TBX15: variants seen among roughly 807,000 people sequenced by gnomAD.
TBX15 encodes the protein T-box transcription factor 15.
A neutral mutation model predicts 53.9 loss-of-function variants in TBX15; 18 were observed. That is an observed-to-expected ratio of 0.33 (90% CI 0.23 to 0.49). The LOEUF (loss-of-function observed/expected upper bound fraction) is 0.49, where lower values mean the gene tolerates loss of function less well. TBX15 is among the 20% of genes least tolerant of loss of function. TBX15 has a pLI of 0.98. For missense variants in TBX15, 692 were observed against 749.5 expected, an observed-to-expected ratio of 0.92 and a Z score of 0.90; for synonymous variants, 295 against 278.0, an observed-to-expected ratio of 1.06 and a Z score of -0.61.
intron 1 of TBX15, among the ~76,000 whole-genome samples, chr1:118,964,457 C>G (rs542879813): frequency 6.6e-6 from 1 of 152,298 alleles, no homozygotes; most frequent in South Asian, 2.1e-4. Flanking sequence ...AAGCAACTTA[C>G]CCATGTTTTC....
chr1:118,980,834 T>C (rs570530554), intron 1 of TBX15, among the ~76,000 whole-genome samples: 8 of 152,288 alleles, frequency 5.3e-5, no homozygotes, highest in African/African-American at 1.7e-4. Context: ...TGGTGCTTTT[T>C]TTTTTCCTTC....
chr1:118,970,722 A>T (rs1375415691), intron 1 of TBX15, among the ~76,000 whole-genome samples: 1 of 152,146 alleles, frequency 6.6e-6, no homozygotes, highest in Non-Finnish European at 1.5e-5. Context: ...TTTTTAATGC[A>T]TTCTCACAGA....
chr1:118,941,475 C>T (rs557062305), intron 1 of TBX15, among the ~76,000 whole-genome samples: 1 of 152,240 alleles, frequency 6.6e-6, no homozygotes, highest in South Asian at 2.1e-4. Flanking sequence ...TCCCAGGAGA[C>T]CACCAACTAT....
At chr1:118,941,361 G>T (rs1023432247) in intron 1 of TBX15, among the ~76,000 whole-genome samples, 1 of 152,214 alleles carries the variant, frequency 6.6e-6, no homozygotes, top group Non-Finnish European at 1.5e-5. Context: ...AACATCAAGT[G>T]TAATTTAACT....
chr1:118,914,298 T>A (rs1655116705), intron 5 of TBX15, 119 bp from the exon 6 acceptor site: 2 of 982,730 alleles, frequency 2.0e-6, no homozygotes, highest in East Asian at 2.6e-5. Flanking sequence ...TTTAATTTCC[T>A]TTCAGCTCAA....
Position 118,884,455 on chromosome 1 carries a change from C to A in TBX15, c.*277G>T. On this transcript the variant is annotated 3_prime_UTR_variant, in exon 8 of 8. Transcript: ENST00000369429. ...TTATGACGAAGTGATTATTCAGTCT[C>A]TTCAAAGGCCACTCTGGAACAGACA... 2.0e-6 allele frequency: 1 copy of A among 498,430 alleles called. No individual in the cohort carries two copies. Among genetic ancestry groups the A allele is most frequent in the Non-Finnish European group, 3.6e-6 (1 of 275,576 alleles). The allele number at this position is 498,430 out of a possible 1,614,324, so 30.9% of individuals were successfully genotyped here.
At position 118,921,437 on chromosome 1, in the gene TBX15, A is replaced by G. The variant is rs368933713; in HGVS notation, c.861+1999T>C. ...CAATTGCTCCCAATCCTCATTTAAAATCATGCAGAAAAAAAGAAGGATAAA... is the reference window on the plus strand; with the variant it reads ...CAATTGCTCCCAATCCTCATTTAAAGTCATGCAGAAAAAAAGAAGGATAAA... On this transcript the variant is annotated intron_variant, in intron 5 of 7. Coordinates refer to ENST00000369429, the MANE Select transcript of TBX15 (RefSeq NM_001330677.2). 1.5e-4 allele frequency among the ~76,000 whole-genome samples: 23 copies of G among 152,322 alleles called. No homozygotes were observed. The East Asian group carries it at 3.5e-3, about 23-fold the overall frequency.
intron 1 of TBX15, among the ~76,000 whole-genome samples, chr1:118,963,232 A>G (rs1217541989): frequency 6.6e-6 from 1 of 152,268 alleles, no homozygotes; most frequent in East Asian, 1.9e-4. Flanking sequence ...GTGTGTTTTT[A>G]TGAGGTTAAA....
At chr1:118,961,176 C>A (rs1484506979) in intron 1 of TBX15, among the ~76,000 whole-genome samples, 1 of 152,206 alleles carries the variant, frequency 6.6e-6, no homozygotes, top group East Asian at 1.9e-4. Context: ...CTAACTCAGG[C>A]TCTGTGCCCC....
intron 6 of TBX15, among the ~76,000 whole-genome samples, chr1:118,902,062 C>A (rs926086453): frequency 1.4e-4 from 21 of 151,828 alleles, no homozygotes; most frequent in African/African-American, 4.1e-4. Flanking sequence ...TAAATATATC[C>A]TACATAGCAT....
intron 1 of TBX15, among the ~76,000 whole-genome samples, chr1:118,945,063 T>A (rs534487373): frequency 1.3e-5 from 2 of 152,314 alleles, no homozygotes; most frequent in East Asian, 3.9e-4. Context: ...TTGCAATACG[T>A]AGCAGGGGAA....
At chr1:118,907,743 G>T (rs544176959) in intron 6 of TBX15, among the ~76,000 whole-genome samples, 17 of 152,204 alleles carry the variant, frequency 1.1e-4, no homozygotes, top group African/African-American at 4.1e-4. Context: ...CTTGGTGCAG[G>T]TTCCCCATTG....
At position 118,883,290 on chromosome 1, in the gene TBX15, T is replaced by G. The variant is rs1347094798; in HGVS notation, c.*1442A>C. 2.0e-5 allele frequency: 3 copies of G among 152,630 alleles called. No homozygotes were observed. The highest frequency in any genetic ancestry group is 7.2e-5 in the African/African-American group (3 of 41,462). 9.5% of individuals were successfully genotyped at this position (152,630 alleles called of 1,614,324 possible). Reference sequence around the variant, plus strand: ...TTATTTTACTTGGTATTATTTGCATTTCCACACCATTTAAAAATTTTAGCT... The same window carrying G: ...TTATTTTACTTGGTATTATTTGCATGTCCACACCATTTAAAAATTTTAGCT... On this transcript the variant is annotated 3_prime_UTR_variant, in exon 8 of 8. Coordinates refer to ENST00000369429, the MANE Select transcript of TBX15 (RefSeq NM_001330677.2).
intron 1 of TBX15, among the ~76,000 whole-genome samples, chr1:118,965,777 C>A (rs12073056): frequency 6.6e-6 from 1 of 152,072 alleles, no homozygotes; most frequent in African/African-American, 2.4e-5. Context: ...GACTATTTGA[C>A]AGTCTCCAAC....
chr1:118,885,479 A>G lies in TBX15; in HGVS notation c.1062T>C (p.Thr354=). The G allele has an allele frequency of 6.2e-7, 1 of 1,603,634 alleles. No individual in the cohort carries two copies. Among genetic ancestry groups the G allele is most frequent in the Non-Finnish European group, 8.5e-7 (1 of 1,174,180 alleles). ...AAGAAGCCGAAGGGGATGGTGTCCCAGTGCTGGAGGTGGTTGGGGAAGTGC... is the reference window on the plus strand; with the variant it reads ...AAGAAGCCGAAGGGGATGGTGTCCCGGTGCTGGAGGTGGTTGGGGAAGTGC... The part of the protein sequence containing the change: ...STGTSPTTSS[T]GTPSPSASSH... The change falls in exon 8 of 8, where the codon ACT becomes ACC. Residue 354 remains threonine (T), a synonymous_variant. Coordinates refer to ENST00000369429, the MANE Select transcript of TBX15 (RefSeq NM_001330677.2).
chr1:118,931,079 G>A (rs1323405586), intron 2 of TBX15, among the ~76,000 whole-genome samples: 2 of 152,122 alleles, frequency 1.3e-5, no homozygotes, highest in East Asian at 1.9e-4. Context: ...TTAAAATTTT[G>A]TAATCCTAGA....
chr1:118,913,433 A>C (rs1317545784), intron 6 of TBX15, among the ~76,000 whole-genome samples: 3 of 152,140 alleles, frequency 2.0e-5, no homozygotes, highest in Non-Finnish European at 4.4e-5. Context: ...TTTATATAGG[A>C]GGAGTGAGAA....
intron 7 of TBX15, among the ~76,000 whole-genome samples, chr1:118,889,308 G>A (rs1450272622): frequency 2.0e-5 from 3 of 152,140 alleles, no homozygotes; most frequent in Admixed American, 6.5e-5. Flanking sequence ...ACAGCTTGTC[G>A]AATGTTAAAC....
At chr1:118,941,243 T>A (rs1312446734) in intron 1 of TBX15, among the ~76,000 whole-genome samples, 1 of 152,202 alleles carries the variant, frequency 6.6e-6, no homozygotes, top group Non-Finnish European at 1.5e-5. Flanking sequence ...TCCAAAGGCC[T>A]TACAAGCATT....
Sources: gnomAD v4.1 joint callset for allele counts (sites outside exome capture counted in the v4.1 genomes callset) on GRCh38, gnomAD v4.1.1 for gene constraint, MANE v1.5 for transcripts, NCBI Gene and HGNC (gene_info 2026-07-23, HGNC 2026-07-21) for gene names.